Variants in CPQ observed in about 807,000 individuals in gnomAD.
CPQ encodes Ser-Met dipeptidase.
In CPQ, 37 loss-of-function variants were observed where a neutral mutation model predicts 45.7. That is an observed-to-expected ratio of 0.81 (90% confidence interval 0.62 to 1.07). The LOEUF is 1.07. Among genes scored for constraint, CPQ ranks in the 50% least tolerant of loss-of-function variants. The pLI is 0.00. For synonymous variants in CPQ, 186 were observed against 205.8 expected (o/e 0.90, Z 0.82); for missense variants, 537 against 572.9 (o/e 0.94, Z 0.64).
chr8:96,959,682 A>T (rs1234568246), intron 4 of CPQ, among the ~76,000 whole-genome samples: 1 of 150,298 alleles, frequency 6.7e-6, no homozygotes, highest in Non-Finnish European at 1.5e-5. Context: ...ATAATGAGTT[A>T]TTTTTTTTTC....
intron 1 of CPQ, among the ~76,000 whole-genome samples, chr8:96,697,259 A>G (rs1035636644): frequency 6.6e-6 from 1 of 152,218 alleles, no homozygotes; most frequent in African/African-American, 2.4e-5. Context: ...AAACAGATTG[A>G]AAAACAAAAA....
intron 6 of CPQ, 108 bp from the exon 7 acceptor site, chr8:97,065,901 G>C (rs1162201169): frequency 9.6e-7 from 1 of 1,044,210 alleles, no homozygotes; most frequent in Admixed American, 2.4e-5. Flanking sequence ...CATGTGTTTT[G>C]GCACAGCCGT....
intron 5 of CPQ, among the ~76,000 whole-genome samples, chr8:97,019,689 A>G (rs889039249): frequency 2.6e-5 from 4 of 152,224 alleles, no homozygotes; most frequent in Non-Finnish European, 2.9e-5. Context: ...TTCTAAATAT[A>G]TATGCACCTA....
intron 1 of CPQ, among the ~76,000 whole-genome samples, chr8:96,701,734 C>G (rs1308927140): frequency 2.0e-5 from 3 of 152,138 alleles, no homozygotes; most frequent in African/African-American, 7.2e-5. Flanking sequence ...CCTTGGCAGC[C>G]CTGGCCCTGC....
intron 5 of CPQ, among the ~76,000 whole-genome samples, chr8:96,995,722 C>A: frequency 6.6e-6 from 1 of 150,974 alleles, no homozygotes; most frequent in East Asian, 1.9e-4. Flanking sequence ...AGGTTTGTTA[C>A]ACAGGTAAAC....
At chr8:97,134,351 A>C (rs544039899) in intron 7 of CPQ, among the ~76,000 whole-genome samples, 9 of 152,302 alleles carry the variant, frequency 5.9e-5, no homozygotes, top group South Asian at 2.1e-4. Flanking sequence ...AAAGAAAAAG[A>C]AGCAGCAGCA....
At chr8:96,789,677 G>A (rs1255262658) in intron 2 of CPQ, among the ~76,000 whole-genome samples, 1 of 152,182 alleles carries the variant, frequency 6.6e-6, no homozygotes, top group Non-Finnish European at 1.5e-5. Context: ...GTGCGGCCTT[G>A]AGCATGCACA....
At chr8:97,109,697 C>T (rs951424262) in intron 7 of CPQ, among the ~76,000 whole-genome samples, 3 of 152,000 alleles carry the variant, frequency 2.0e-5, no homozygotes, top group African/African-American at 7.3e-5. Context: ...GATTATTCCC[C>T]TTCTCTTTCT....
intron 1 of CPQ, among the ~76,000 whole-genome samples, chr8:96,716,758 TTAGCTGGGTG>T (rs1197147343): frequency 1.3e-5 from 2 of 151,798 alleles, no homozygotes; most frequent in African/African-American, 4.8e-5. Context: ...AAATACAACA[TTAGCTGGGTG>T]TGTTGGCGTG....
intron 6 of CPQ, among the ~76,000 whole-genome samples, chr8:97,033,008 A>G (rs1809935201): frequency 6.6e-6 from 1 of 152,168 alleles, no homozygotes; most frequent in Non-Finnish European, 1.5e-5. Flanking sequence ...AGGAGGCAAC[A>G]CCTAATCCTT....
intron 1 of CPQ, among the ~76,000 whole-genome samples, chr8:96,751,877 C>T (rs1326869254): frequency 6.6e-6 from 1 of 152,124 alleles, no homozygotes; most frequent in Admixed American, 6.5e-5. Context: ...TCTCCCAGCA[C>T]CATTTATTAT....
intron 1 of CPQ, among the ~76,000 whole-genome samples, chr8:96,689,064 T>A (rs1199871360): frequency 1.3e-5 from 2 of 152,156 alleles, no homozygotes; most frequent in South Asian, 2.1e-4. Context: ...AATTTCTTCA[T>A]AAGAACTGAG....
At chr8:97,065,428 A>T (rs750716440) in intron 6 of CPQ, among the ~76,000 whole-genome samples, 1 of 152,206 alleles carries the variant, frequency 6.6e-6, no homozygotes, top group Non-Finnish European at 1.5e-5. Flanking sequence ...GAAGTGTTTC[A>T]TGCCTTGTTC....
At chr8:96,707,866 A>G (rs191344557) in intron 1 of CPQ, among the ~76,000 whole-genome samples, 11 of 152,146 alleles carry the variant, frequency 7.2e-5, no homozygotes, top group African/African-American at 2.7e-4. Flanking sequence ...AATGCTGTCT[A>G]TGTTTTTGGC....
chr8:96,720,326 T>G (rs58580112), intron 1 of CPQ, among the ~76,000 whole-genome samples: 1 of 151,798 alleles, frequency 6.6e-6, no homozygotes, highest in Non-Finnish European at 1.5e-5. Context: ...GATCTAGTCA[T>G]TTTTTTATTG....
intron 1 of CPQ, among the ~76,000 whole-genome samples, chr8:96,727,715 G>C (rs1317579719): frequency 6.6e-6 from 1 of 152,032 alleles, no homozygotes; most frequent in Admixed American, 6.6e-5. Context: ...TATAGGCCAG[G>C]GTGGGAGCAC....
At chr8:97,069,704 A>G (rs1371945442) in intron 7 of CPQ, among the ~76,000 whole-genome samples, 1 of 152,124 alleles carries the variant, frequency 6.6e-6, no homozygotes, top group Non-Finnish European at 1.5e-5. Context: ...ATTAATGCTA[A>G]ATAATATTTC....
chr8:96,673,396 C>T (rs1052759199), intron 1 of CPQ, among the ~76,000 whole-genome samples: 1 of 152,112 alleles, frequency 6.6e-6, no homozygotes, highest in Non-Finnish European at 1.5e-5. Context: ...CTTTCATGAT[C>T]AGTCAGAGAC....
At chr8:96,997,485 A>G (rs574178085) in intron 5 of CPQ, among the ~76,000 whole-genome samples, 1 of 151,984 alleles carries the variant, frequency 6.6e-6, no homozygotes, top group Non-Finnish European at 1.5e-5. Context: ...ATGTGTTTTC[A>G]TAAATGTATT....
Sources: allele counts gnomAD v4.1 joint callset (sites outside exome capture counted in the v4.1 genomes callset), GRCh38; gene constraint gnomAD v4.1.1; transcripts MANE v1.5; gene names NCBI Gene and HGNC (gene_info 2026-07-23, HGNC 2026-07-21).